MEMO1: variants seen among roughly 807,000 people sequenced by gnomAD.
MEMO1 encodes mediator of cell motility 1.
MEMO1 carries 6 observed loss-of-function variants against 45.2 expected under a neutral mutation model. That is an observed-to-expected ratio of 0.13 (90% CI 0.07 to 0.26). The LOEUF is 0.26. MEMO1 is among the 10% of genes least tolerant of loss of function. MEMO1 has a pLI of 1.00. For synonymous variants in MEMO1, 78 were observed against 124.3 expected, an observed-to-expected ratio of 0.63 and a Z score of 2.48; for missense variants, 184 against 370.5, an observed-to-expected ratio of 0.50 and a Z score of 4.13.
rs189713358 is a variant in MEMO1 at position 31,991,383 on chromosome 2, C to G, written c.61+18804G>C. Among the ~76,000 whole-genome samples, 7 of 152,186 alleles carry G rather than the reference C, an allele frequency of 4.6e-5. No individual in the cohort carries two copies. In the East Asian group the frequency reaches 1.4e-3, roughly 29 times the overall value. On this transcript the variant is annotated intron_variant, in intron 2 of 9. Coordinates refer to ENST00000404530, the MANE Select transcript of MEMO1 (RefSeq NM_001301833.4). ...GGTCTGGAGGTCGAGACCAGCATGA[C>G]CAACACGGAGAAACCCCGTCTCTAC...
rs1272319663 is a variant in MEMO1, at chr2:31,956,910, G to A, written c.62-13527C>T. The stretch of plus-strand genomic sequence containing the variant: ...TCTAATCCCAGCACTTTGGGAGGCC[G>A]AGGCAGGCAGATCACAAGGTCAGGA... On this transcript the variant is annotated intron_variant, in intron 2 of 9. Coordinates refer to ENST00000404530, the MANE Select transcript of MEMO1 (RefSeq NM_001301833.4). Among the ~76,000 whole-genome samples the A allele has an allele frequency of 9.2e-5, 14 of 152,238 alleles. No homozygotes were observed. In the South Asian group the frequency reaches 1.5e-3, roughly 16 times the overall value.
At chr2:31,924,483 G>A (rs1265283989) in intron 4 of MEMO1, among the ~76,000 whole-genome samples, 1 of 151,772 alleles carries the variant, frequency 6.6e-6, no homozygotes, top group Admixed American at 6.6e-5. Context: ...AAAAATGGGG[G>A]GAAGGAGCAA....
intron 2 of MEMO1, among the ~76,000 whole-genome samples, chr2:31,970,916 A>G (rs1265652314): frequency 6.6e-6 from 1 of 152,196 alleles, no homozygotes; most frequent in Non-Finnish European, 1.5e-5. Context: ...AAACAGGAAA[A>G]TCACTTGAAC....
chr2:31,929,431 CAAT>C (rs1270301129), intron 4 of MEMO1, among the ~76,000 whole-genome samples: 3 of 152,130 alleles, frequency 2.0e-5, no homozygotes, highest in Non-Finnish European at 4.4e-5. Flanking sequence ...CTCTTCCCAA[CAAT>C]GTCTCATAAA....
intron 2 of MEMO1, among the ~76,000 whole-genome samples, chr2:32,002,184 T>TACACACACACACAC (rs1468566168): frequency 8.5e-6 from 1 of 116,970 alleles, no homozygotes; most frequent in African/African-American, 3.3e-5. Flanking sequence ...TATATATATA[T>TACACACACACACAC]ATACACACAC....
chr2:31,967,163 G>A (rs1196065449), intron 2 of MEMO1, among the ~76,000 whole-genome samples: 2 of 139,608 alleles, frequency 1.4e-5, no homozygotes, highest in Non-Finnish European at 3.1e-5. Context: ...TCGCTTTGTT[G>A]CCCAGGCTGG....
At chr2:31,955,933 A>C (rs188862059) in intron 2 of MEMO1, among the ~76,000 whole-genome samples, 113 of 152,164 alleles carry the variant, frequency 7.4e-4, no homozygotes, top group East Asian at 7.7e-4. Context: ...AAAACGCCCC[A>C]ATATTCCTCC....
chr2:31,941,486 A>G (rs899578052), intron 3 of MEMO1, among the ~76,000 whole-genome samples: 2 of 152,164 alleles, frequency 1.3e-5, no homozygotes, highest in African/African-American at 4.8e-5. Flanking sequence ...GACATAGAAT[A>G]TAATTATTTG....
intron 2 of MEMO1, among the ~76,000 whole-genome samples, chr2:31,987,490 A>T (rs1320939763): frequency 2.6e-5 from 4 of 152,172 alleles, no homozygotes; most frequent in Non-Finnish European, 5.9e-5. Context: ...TAAAACATAC[A>T]CTTGTAAATA....
At chr2:31,978,999 T>C (rs1407781257) in intron 2 of MEMO1, among the ~76,000 whole-genome samples, 2 of 152,190 alleles carry the variant, frequency 1.3e-5, no homozygotes, top group Non-Finnish European at 2.9e-5. Flanking sequence ...TTCACACTGC[T>C]ATAAAGATAC....
At chr2:31,940,088 A>G (rs1166612851) in intron 3 of MEMO1, among the ~76,000 whole-genome samples, 1 of 151,752 alleles carries the variant, frequency 6.6e-6, no homozygotes, top group Admixed American at 6.6e-5. Flanking sequence ...GACATCACTC[A>G]CTCTTGATTT....
chr2:31,996,297 C>G (rs1026151796), intron 2 of MEMO1, among the ~76,000 whole-genome samples: 1 of 151,986 alleles, frequency 6.6e-6, no homozygotes, highest in African/African-American at 2.4e-5. Flanking sequence ...CCTGTAATCC[C>G]AGCACTTTGA....
chr2:31,891,888 C>T, intron 7 of MEMO1, 104 bp downstream of exon 7: 2 of 1,227,122 alleles, frequency 1.6e-6, no homozygotes, highest in Non-Finnish European at 2.3e-6. Context: ...TAAAACTTTC[C>T]AAGGAAAGTG....
At chr2:31,872,016 A>AACACACACAC (rs55682785) in intron 8 of MEMO1, among the ~76,000 whole-genome samples, 92,851 of 143,056 alleles carry the variant, frequency 0.65, 30,228 homozygotes, top group East Asian at 0.74. Context: ...TCTGTCTCAA[A>AACACACACAC]ACACACACAC....
chr2:31,998,204 G>A (rs1485368523), intron 2 of MEMO1, among the ~76,000 whole-genome samples: 1 of 152,056 alleles, frequency 6.6e-6, no homozygotes, highest in African/African-American at 2.4e-5. Context: ...TTTTTGTAGA[G>A]ACGGGGGTCT....
intron 6 of MEMO1, among the ~76,000 whole-genome samples, chr2:31,895,408 T>A (rs530249178): frequency 6.6e-6 from 1 of 152,146 alleles, no homozygotes; most frequent in African/African-American, 2.4e-5. Context: ...AAATAGGGAA[T>A]ATCAACAAAG....
intron 2 of MEMO1, among the ~76,000 whole-genome samples, chr2:31,946,637 G>GGATCACCTGAGCTCAGTAGATCAA: frequency 6.6e-6 from 1 of 152,208 alleles, no homozygotes; most frequent in South Asian, 2.1e-4. Flanking sequence ...CAACACAGGT[G>GGATCACCTGAGCTCAGTAGATCAA]GATCACCTGA....
At chr2:31,929,223 T>C (rs1488746771) in intron 4 of MEMO1, among the ~76,000 whole-genome samples, 1 of 152,178 alleles carries the variant, frequency 6.6e-6, no homozygotes, top group Non-Finnish European at 1.5e-5. Flanking sequence ...TTTTTATTAA[T>C]TACATTTACT....
chr2:31,900,198 A>T (rs2148037742), intron 6 of MEMO1, among the ~76,000 whole-genome samples: 1 of 152,368 alleles, frequency 6.6e-6, no homozygotes, highest in South Asian at 2.1e-4. Flanking sequence ...CCAAAGGATT[A>T]TAAATCATTC....
Sources: gnomAD v4.1 joint callset for allele counts (sites outside exome capture counted in the v4.1 genomes callset) on GRCh38, gnomAD v4.1.1 for gene constraint, MANE v1.5 for transcripts, NCBI Gene and HGNC (gene_info 2026-07-23, HGNC 2026-07-21) for gene names.